Variants in NRG3 observed in about 807,000 individuals in gnomAD.
The protein encoded by NRG3 is pro-neuregulin-3, membrane-bound isoform.
Under a neutral mutation model 66.9 loss-of-function variants are expected in NRG3, and 31 were observed. That is an observed-to-expected ratio of 0.46 (90% confidence interval 0.35 to 0.63). The LOEUF (loss-of-function observed/expected upper bound fraction) is 0.63, where lower values mean the gene tolerates loss of function less well. NRG3 is among the 20% of genes least tolerant of loss of function. The probability of loss-of-function intolerance (pLI) is 0.00; values close to 1 mark genes in which losing one functional copy is unlikely to be tolerated. For synonymous variants in NRG3, 393 were observed against 359.4 expected, an observed-to-expected ratio of 1.09 and a Z score of -1.06; for missense variants, 910 against 878.9, an observed-to-expected ratio of 1.04 and a Z score of -0.45.
chr10:82,584,271 A>G lies in NRG3; in HGVS notation c.954-154306A>G, dbSNP rs375176376. ...CCCACCAATTTTGTATTTTTAGTAG[A>G]GACAGGGTTTCATCTTGTTGGCCAT... is the stretch of plus-strand genomic sequence containing the variant. On this transcript the variant is annotated intron_variant, in intron 2 of 8. Coordinates refer to ENST00000372141, the MANE Select transcript of NRG3 (RefSeq NM_001010848.4). Among the ~76,000 whole-genome samples, 12 of 152,112 alleles carry G rather than the reference A, an allele frequency of 7.9e-5. No homozygotes were observed. In the South Asian group the frequency reaches 1.5e-3, roughly 18 times the overall value.
intron 1 of NRG3, among the ~76,000 whole-genome samples, chr10:82,087,690 A>T (rs377323950): frequency 3.9e-5 from 6 of 152,154 alleles, no homozygotes; most frequent in Admixed American, 2.0e-4. Flanking sequence ...ATGATTTAAC[A>T]TTCACCAGGG....
At chr10:82,218,558 C>G (rs1372680543) in intron 1 of NRG3, among the ~76,000 whole-genome samples, 3 of 152,154 alleles carry the variant, frequency 2.0e-5, no homozygotes, top group Non-Finnish European at 4.4e-5. Context: ...TCAGAACTCT[C>G]CTTTGCTACT....
intron 2 of NRG3, among the ~76,000 whole-genome samples, chr10:82,428,053 C>T (rs776299386): frequency 1.3e-5 from 2 of 150,796 alleles, no homozygotes; most frequent in African/African-American, 2.4e-5. Flanking sequence ...AGTGATATCT[C>T]CTCTTTCATT....
intron 3 of NRG3, among the ~76,000 whole-genome samples, chr10:82,852,338 A>C (rs2063600006): frequency 6.6e-6 from 1 of 152,130 alleles, no homozygotes. Context: ...CAAATACCTA[A>C]TGCACACGGG....
chr10:82,675,439 T>G (rs1156525724), intron 2 of NRG3, among the ~76,000 whole-genome samples: 1 of 152,138 alleles, frequency 6.6e-6, no homozygotes, highest in African/African-American at 2.4e-5. Flanking sequence ...GTGTCAGACA[T>G]GCAAAGAACC....
intron 1 of NRG3, among the ~76,000 whole-genome samples, chr10:82,328,115 A>T (rs1303547021): frequency 6.6e-6 from 1 of 152,304 alleles, no homozygotes; most frequent in Middle Eastern, 3.4e-3. Flanking sequence ...TAGTATGAGG[A>T]ATAGGTGTTT....
chr10:82,804,964 T>C (rs1478268414), intron 3 of NRG3, among the ~76,000 whole-genome samples: 2 of 152,230 alleles, frequency 1.3e-5, no homozygotes, highest in South Asian at 2.1e-4. Flanking sequence ...CTGGGGTTAG[T>C]ACTACTGGGG....
intron 8 of NRG3, among the ~76,000 whole-genome samples, chr10:82,983,512 C>T (rs1298024022): frequency 6.6e-6 from 1 of 152,102 alleles, no homozygotes; most frequent in Non-Finnish European, 1.5e-5. Context: ...CATTAGCAAC[C>T]TCTAACATTG....
intron 2 of NRG3, among the ~76,000 whole-genome samples, chr10:82,390,172 A>C (rs2086258742): frequency 6.6e-6 from 1 of 152,096 alleles, no homozygotes; most frequent in Non-Finnish European, 1.5e-5. Context: ...TTCACCACTA[A>C]TAGTGGTTAA....
intron 2 of NRG3, among the ~76,000 whole-genome samples, chr10:82,536,502 T>C (rs905215877): frequency 3.3e-5 from 5 of 152,170 alleles, no homozygotes; most frequent in African/African-American, 7.2e-5. Flanking sequence ...GGATGGGGAA[T>C]TGAGGTGTCT....
At chr10:82,161,389 T>G (rs1213059844) in intron 1 of NRG3, among the ~76,000 whole-genome samples, 1 of 152,136 alleles carries the variant, frequency 6.6e-6, no homozygotes, top group Non-Finnish European at 1.5e-5. Flanking sequence ...GCATGAAATC[T>G]TGTTTTAAAT....
intron 8 of NRG3, among the ~76,000 whole-genome samples, chr10:82,984,021 G>C (rs1012627655): frequency 6.6e-6 from 1 of 152,184 alleles, no homozygotes; most frequent in African/African-American, 2.4e-5. Context: ...GTATAAACAT[G>C]ATTTTCATTT....
At chr10:82,001,181 A>C (rs1257918040) in intron 1 of NRG3, among the ~76,000 whole-genome samples, 1 of 148,578 alleles carries the variant, frequency 6.7e-6, no homozygotes, top group Non-Finnish European at 1.5e-5. Flanking sequence ...TTTTTAAAAA[A>C]GGAAAGTGTA....
intron 1 of NRG3, among the ~76,000 whole-genome samples, chr10:82,159,475 C>T (rs898345857): frequency 2.6e-5 from 4 of 151,852 alleles, no homozygotes; most frequent in African/African-American, 9.7e-5. Context: ...GATTTCATTC[C>T]GGAATCAGTT....
chr10:81,952,919 T>G (rs1438210045), intron 1 of NRG3, among the ~76,000 whole-genome samples: 1 of 152,020 alleles, frequency 6.6e-6, no homozygotes, highest in African/African-American at 2.4e-5. Flanking sequence ...CTGACCTCAT[T>G]GGACACTTGG....
chr10:82,272,964 A>T (rs1445900274), intron 1 of NRG3, among the ~76,000 whole-genome samples: 1 of 152,030 alleles, frequency 6.6e-6, no homozygotes, highest in Non-Finnish European at 1.5e-5. Context: ...GAGCCTCTGC[A>T]TGTATCATCT....
At chr10:82,577,884 G>C (rs1423478526) in intron 2 of NRG3, among the ~76,000 whole-genome samples, 1 of 151,682 alleles carries the variant, frequency 6.6e-6, no homozygotes, top group Non-Finnish European at 1.5e-5. Context: ...GTTAAATTAG[G>C]TAGTTTTATT....
chr10:82,137,134 G>C (rs1301932458), intron 1 of NRG3, among the ~76,000 whole-genome samples: 1 of 152,114 alleles, frequency 6.6e-6, no homozygotes, highest in African/African-American at 2.4e-5. Context: ...TGGTCATCTT[G>C]TTCCCCCTCC....
chr10:82,320,485 T>C (rs1411500041), intron 1 of NRG3, among the ~76,000 whole-genome samples: 1 of 152,174 alleles, frequency 6.6e-6, no homozygotes, highest in Non-Finnish European at 1.5e-5. Context: ...AATACTTAGC[T>C]GGGTGAAATT....
Sources: allele counts gnomAD v4.1 joint callset (sites outside exome capture counted in the v4.1 genomes callset), GRCh38; gene constraint gnomAD v4.1.1; transcripts MANE v1.5; gene names NCBI Gene and HGNC (gene_info 2026-07-23, HGNC 2026-07-21).